Variants in DGKI observed in about 807,000 individuals in gnomAD.
DGKI encodes the protein diacylglycerol kinase iota.
In DGKI, 55 loss-of-function variants were observed where a neutral mutation model predicts 147.5. The observed-to-expected ratio is 0.37, with a 90% CI of 0.30 to 0.47. The LOEUF (loss-of-function observed/expected upper bound fraction) is 0.47, where lower values mean the gene tolerates loss of function less well. Among genes scored for constraint, DGKI ranks in the 20% least tolerant of loss-of-function variants. The pLI is 1.00. For missense variants in DGKI, 1,007 were observed against 1,323.8 expected (o/e 0.76, Z 3.71); for synonymous variants, 469 against 477.1 (o/e 0.98, Z 0.22).
At chr7:137,578,233 T>C in intron 16 of DGKI, 37 bp downstream of exon 16, 2 of 1,441,540 alleles carry the variant, frequency 1.4e-6, no homozygotes, top group Non-Finnish European at 2.0e-6. Context: ...TGGCAATAAG[T>C]AATATGTAGT....
At chr7:137,801,835 G>C (rs1353419755) in intron 1 of DGKI, among the ~76,000 whole-genome samples, 2 of 152,122 alleles carry the variant, frequency 1.3e-5, no homozygotes, top group African/African-American at 4.8e-5. Flanking sequence ...GCAGCCCTCA[G>C]CTCTCTCTCC....
intron 21 of DGKI, among the ~76,000 whole-genome samples, chr7:137,490,086 T>A (rs972966688): frequency 1.3e-5 from 2 of 152,172 alleles, no homozygotes; most frequent in East Asian, 3.9e-4. Flanking sequence ...TGAGCAATAC[T>A]TAGCTGTTAA....
chr7:137,622,399 C>T (rs1820783411), intron 7 of DGKI, among the ~76,000 whole-genome samples: 1 of 152,112 alleles, frequency 6.6e-6, no homozygotes, highest in African/African-American at 2.4e-5. Context: ...CTTTTCTTTG[C>T]AGGTCCCCTG....
chr7:137,590,913 C>A (rs958871472), intron 12 of DGKI, among the ~76,000 whole-genome samples: 4 of 152,152 alleles, frequency 2.6e-5, no homozygotes, highest in African/African-American at 9.7e-5. Context: ...GCCCAGGCTG[C>A]CCCCAAACTC....
At chr7:137,655,398 C>T (rs926290625) in intron 4 of DGKI, among the ~76,000 whole-genome samples, 1 of 152,060 alleles carries the variant, frequency 6.6e-6, no homozygotes, top group African/African-American at 2.4e-5. Flanking sequence ...CGGGGTTTCA[C>T]CGTGTTAGCC....
At chr7:137,514,332 A>G (rs1336660937) in intron 21 of DGKI, among the ~76,000 whole-genome samples, 2 of 152,212 alleles carry the variant, frequency 1.3e-5, no homozygotes, top group African/African-American at 4.8e-5. Flanking sequence ...CACATCTGAC[A>G]TTCACTTGAC....
At chr7:137,793,353 T>G (rs1357340590) in intron 1 of DGKI, among the ~76,000 whole-genome samples, 1 of 151,194 alleles carries the variant, frequency 6.6e-6, no homozygotes. Flanking sequence ...CAGGCTGGAG[T>G]GCAGTGGTAT....
chr7:137,746,478 C>T (rs912938464), intron 1 of DGKI, among the ~76,000 whole-genome samples: 6 of 152,226 alleles, frequency 3.9e-5, no homozygotes, highest in Admixed American at 3.9e-4. Context: ...GGAGCCAAGC[C>T]ACACTGTGAA....
intron 1 of DGKI, among the ~76,000 whole-genome samples, chr7:137,743,312 A>T (rs1391184160): frequency 6.6e-6 from 1 of 152,236 alleles, no homozygotes; most frequent in Non-Finnish European, 1.5e-5. Context: ...TTCATCCAGC[A>T]GCCAAAGAAA....
At chr7:137,827,845 T>C (rs1466354652) in intron 1 of DGKI, among the ~76,000 whole-genome samples, 1 of 152,244 alleles carries the variant, frequency 6.6e-6, no homozygotes, top group Non-Finnish European at 1.5e-5. Flanking sequence ...GACTGTGTTC[T>C]AAAATTCTGT....
intron 1 of DGKI, among the ~76,000 whole-genome samples, chr7:137,777,767 A>G (rs1310479030): frequency 6.6e-6 from 1 of 152,204 alleles, no homozygotes; most frequent in African/African-American, 2.4e-5. Flanking sequence ...GCTCCTGGAA[A>G]GCTTTCCTCT....
chr7:137,512,342 TATTA>T (rs1208248652), intron 21 of DGKI, among the ~76,000 whole-genome samples: 16 of 152,206 alleles, frequency 1.1e-4, no homozygotes, highest in Admixed American at 1.0e-3. Context: ...GATTGGATGT[TATTA>T]TTTATTATTA....
chr7:137,411,441 C>G (rs771454382), intron 29 of DGKI, among the ~76,000 whole-genome samples: 1 of 152,180 alleles, frequency 6.6e-6, no homozygotes, highest in Non-Finnish European at 1.5e-5. Flanking sequence ...GAAATAGGAA[C>G]AGTCTTGAGA....
chr7:137,833,260 C>G (rs191112553), intron 1 of DGKI, among the ~76,000 whole-genome samples: 1 of 152,138 alleles, frequency 6.6e-6, no homozygotes, highest in Non-Finnish European at 1.5e-5. Flanking sequence ...AAGACATACC[C>G]GAGACTGGGC....
chr7:137,392,045 ATG>A (rs1811384767), intron 32 of DGKI, among the ~76,000 whole-genome samples: 1 of 152,184 alleles, frequency 6.6e-6, no homozygotes, highest in Non-Finnish European at 1.5e-5. Flanking sequence ...TGTCTTTTAT[ATG>A]CCTCTATACG....
At chr7:137,397,671 A>G (rs1811602986) in intron 30 of DGKI, among the ~76,000 whole-genome samples, 1 of 152,248 alleles carries the variant, frequency 6.6e-6, no homozygotes, top group Non-Finnish European at 1.5e-5. Context: ...GATCAAGTTT[A>G]TGAAATAAAA....
intron 3 of DGKI, among the ~76,000 whole-genome samples, chr7:137,673,468 G>T (rs1250043787): frequency 6.6e-6 from 1 of 152,206 alleles, no homozygotes; most frequent in Non-Finnish European, 1.5e-5. Flanking sequence ...ACACTTCAAA[G>T]GTAAGATTAA....
intron 7 of DGKI, 81 bp from the exon 8 acceptor site, chr7:137,620,021 A>ACACACC: frequency 2.3e-6 from 1 of 437,478 alleles, no homozygotes; most frequent in Non-Finnish European, 3.8e-6. Context: ...GTACACACGC[A>ACACACC]CACACACACA....
chr7:137,742,531 C>T (rs1795204121), intron 1 of DGKI, among the ~76,000 whole-genome samples: 1 of 152,142 alleles, frequency 6.6e-6, no homozygotes. Context: ...CTCACTCCCA[C>T]AGCCACAAGA....
Sources: gnomAD v4.1 joint callset for allele counts (sites outside exome capture counted in the v4.1 genomes callset) on GRCh38, gnomAD v4.1.1 for gene constraint, MANE v1.5 for transcripts, NCBI Gene and HGNC (gene_info 2026-07-23, HGNC 2026-07-21) for gene names.